The following SLC27A4 variants were observed in gnomAD, a reference collection of about 807,000 sequenced individuals.
SLC27A4 encodes long-chain fatty acid transport protein 4.
In SLC27A4, 33 loss-of-function variants were observed where a neutral mutation model predicts 64.4. The ratio of observed to expected loss-of-function variants is 0.51; its 90% confidence interval spans 0.39 to 0.68. The LOEUF is 0.68. Among genes scored for constraint, SLC27A4 ranks in the 30% least tolerant of loss-of-function variants. The probability of loss-of-function intolerance (pLI) is 0.00; values close to 1 mark genes in which losing one functional copy is unlikely to be tolerated. For missense variants in SLC27A4, 824 were observed against 883.5 expected (o/e 0.93, Z 0.85); for synonymous variants, 377 against 370.0 (o/e 1.02, Z -0.22).
At chr9:128,344,326 T>C (rs1564398581) in intron 2 of SLC27A4, among the ~76,000 whole-genome samples, 1 of 152,046 alleles carries the variant, frequency 6.6e-6, no homozygotes. Flanking sequence ...GAGACTAACC[T>C]GGGCAACATG....
intron 1 of SLC27A4, among the ~76,000 whole-genome samples, chr9:128,341,253 C>T (rs764154828): frequency 1.6e-4 from 25 of 152,200 alleles, no homozygotes; most frequent in Non-Finnish European, 3.1e-4. Flanking sequence ...CTTTTCCTGG[C>T]TTGGAGGCTC....
At chr9:128,342,225 C>G (rs752014279) in intron 1 of SLC27A4, 2 of 1,608,904 alleles carry the variant, frequency 1.2e-6, no homozygotes, top group Non-Finnish European at 1.7e-6. Flanking sequence ...GCTTTTCCTC[C>G]GCAACCATGT....
In SLC27A4 at chr9:128,355,045, C is replaced by A. The variant is rs763783240; in HGVS notation, c.1325-8C>A. ...AGGGCAGATCTGACCCTGCCTTCCC[C>A]ACCCCAGGTGAGCCGGGCCAGCTGG... On this transcript the variant is annotated splice_region_variant and splice_polypyrimidine_tract_variant and intron_variant, in intron 9 of 12. Coordinates refer to ENST00000300456, the MANE Select transcript of SLC27A4 (RefSeq NM_005094.4). The A allele has an allele frequency of 1.4e-5, 22 of 1,609,662 alleles. No individual in the cohort carries two copies. The South Asian group carries it at 2.2e-4, about 16-fold the overall frequency.
rs148065203 is a variant in SLC27A4, at chr9:128,354,377, C to G, written c.1325-676C>G. Among the ~76,000 whole-genome samples, 216 of 152,286 alleles carry G rather than the reference C, an allele frequency of 1.4e-3. 1 individual carries two copies. The highest frequency in any genetic ancestry group is 2.3e-3 in the Non-Finnish European group (157 of 68,028). Reference sequence around the variant, plus strand: ...CACTGTGCCTAAGTCCCCTTATCTACAAACTGTGCCCATGGCAGCACCCAC... The same window carrying G: ...CACTGTGCCTAAGTCCCCTTATCTAGAAACTGTGCCCATGGCAGCACCCAC... On this transcript the variant is annotated intron_variant, in intron 9 of 12. Coordinates refer to ENST00000300456, the MANE Select transcript of SLC27A4 (RefSeq NM_005094.4).
rs199976408 is a variant in SLC27A4 at position 128,360,439 on chromosome 9, C to A, written c.1880C>A (p.Pro627Gln). The A allele has an allele frequency of 6.2e-7, 1 of 1,614,112 alleles. No homozygotes were observed. Among genetic ancestry groups the A allele is most frequent in the East Asian group, 2.2e-5 (1 of 44,884 alleles). Residue 627 changes from proline (P) to glutamine (Q), a missense_variant, in exon 13 of 13, where the codon CCG (proline) becomes CAG (glutamine). Physicochemically the swap from Pro to Gln is moderately conservative, Grantham distance 76. Coordinates refer to ENST00000300456, the MANE Select transcript of SLC27A4 (RefSeq NM_005094.4). ...YLDAQKGRYV[P>Q]LDQEAYSRIQ... is the part of the protein sequence containing the mutation. ...GATGCCCAGAAGGGCCGCTACGTCC[C>A]GCTGGACCAAGAGGCCTACAGCCGC...
At chr9:128,344,723 T>C (rs1347838099) in intron 2 of SLC27A4, among the ~76,000 whole-genome samples, 1 of 151,974 alleles carries the variant, frequency 6.6e-6, no homozygotes, top group Non-Finnish European at 1.5e-5. Context: ...TCATGGTGGG[T>C]CGAGGGAGCA....
intron 12 of SLC27A4, 62 bp downstream of exon 12, chr9:128,355,858 G>A (rs1340509324): frequency 6.2e-7 from 1 of 1,603,790 alleles, no homozygotes; most frequent in Non-Finnish European, 8.5e-7. Flanking sequence ...CTTCTGGAGA[G>A]ACCCGGTTGG....
Position 128,345,962 on chromosome 9 carries a change from G to A in SLC27A4, c.556+413G>A, listed in dbSNP as rs754866485. On this transcript the variant is annotated intron_variant, in intron 3 of 12. Coordinates refer to ENST00000300456, the MANE Select transcript of SLC27A4 (RefSeq NM_005094.4). The surrounding 1 kb of genome is among the most constrained non-coding windows in gnomAD (Gnocchi z 4.1). ...GTCACCCAGGCTGGAGTGCAGTGGT[G>A]CAGTCACAGCTCACTGCAGCCTTGA... is the stretch of plus-strand genomic sequence containing the variant. 1.1e-4 allele frequency among the ~76,000 whole-genome samples: 16 copies of A among 152,004 alleles called. No individual in the cohort carries two copies. The highest frequency in any genetic ancestry group is 2.2e-4 in the Non-Finnish European group (15 of 67,994).
intron 1 of SLC27A4, chr9:128,342,180 G>A: frequency 1.4e-6 from 2 of 1,448,464 alleles, no homozygotes; most frequent in Admixed American, 1.7e-5. Context: ...CCACTGCGCA[G>A]ACCAGACTTC....
At chr9:128,346,829 G>A (rs1190067485) in intron 3 of SLC27A4, among the ~76,000 whole-genome samples, 3 of 151,290 alleles carry the variant, frequency 2.0e-5, no homozygotes, top group Non-Finnish European at 2.9e-5. Context: ...GTGAAACCCC[G>A]TCTCTAATAA....
At position 128,360,439 on chromosome 9, in the gene SLC27A4, C is replaced by T. The variant is rs199976408; in HGVS notation, c.1880C>T (p.Pro627Leu). The T allele has an allele frequency of 2.0e-5, 33 of 1,613,994 alleles. No individual in the cohort carries two copies. Among genetic ancestry groups the T allele is most frequent in the Admixed American group, 1.0e-4 (6 of 59,996 alleles). Residue 627 changes from proline (P) to leucine (L), a missense_variant, in exon 13 of 13, where the codon CCG becomes CTG. By Grantham distance (98) the Pro-to-Leu change is moderately conservative. Coordinates refer to ENST00000300456, the MANE Select transcript of SLC27A4 (RefSeq NM_005094.4). The stretch of plus-strand genomic sequence containing the variant: ...GATGCCCAGAAGGGCCGCTACGTCC[C>T]GCTGGACCAAGAGGCCTACAGCCGC... ...YLDAQKGRYV[P>L]LDQEAYSRIQ...
intron 3 of SLC27A4, 143 bp from the exon 4 acceptor site, chr9:128,348,402 A>T (rs914548932): frequency 3.9e-5 from 38 of 979,482 alleles, no homozygotes; most frequent in Non-Finnish European, 6.1e-5. Context: ...TGCCCCTGTC[A>T]ACACTGAAGG....
chr9:128,340,926 G>C, intron 1 of SLC27A4, 88 bp downstream of exon 1: 1 of 492,148 alleles, frequency 2.0e-6, no homozygotes, highest in South Asian at 2.7e-5. Flanking sequence ...CCCAGGTGGG[G>C]GGCGCGCCCT....
intron 2 of SLC27A4, among the ~76,000 whole-genome samples, chr9:128,343,919 A>G (rs1005474304): frequency 1.3e-5 from 2 of 152,228 alleles, no homozygotes; most frequent in Admixed American, 6.5e-5. Context: ...TGGCAGTGCC[A>G]TGTGGGCAGA....
At chr9:128,347,654 T>A (rs1832675885) in intron 3 of SLC27A4, among the ~76,000 whole-genome samples, 1 of 144,510 alleles carries the variant, frequency 6.9e-6, no homozygotes, top group Non-Finnish European at 1.5e-5. Flanking sequence ...TTGAACCAAG[T>A]GAGCCGAGAT....
Position 128,353,052 on chromosome 9 carries a change from C to A in SLC27A4, c.1015C>A (p.Arg339Ser), listed in dbSNP as rs376823464. ...TIVQYIGELC[R>S]YLLNQPPREA... ...TGTGCAGTACATTGGTGAACTGTGCCGCTACCTCCTGAACCAGCCACCGCG... is the reference window on the plus strand; with the variant it reads ...TGTGCAGTACATTGGTGAACTGTGCAGCTACCTCCTGAACCAGCCACCGCG... The change falls in exon 8 of 13, where the codon CGC (arginine) becomes AGC (serine). Residue 339 changes from arginine (R) to serine (S), a missense_variant. Arg to Ser is a moderately radical substitution (Grantham distance 110). Coordinates refer to ENST00000300456, the MANE Select transcript of SLC27A4 (RefSeq NM_005094.4). The surrounding 1 kb of genome is among the most constrained non-coding windows in gnomAD (Gnocchi z 4.9). 2 of 1,613,864 alleles carry A rather than the reference C, an allele frequency of 1.2e-6. No individual in the cohort carries two copies. The highest frequency in any genetic ancestry group is 2.2e-5 in the South Asian group (2 of 91,036).
rs762116764 is a variant in SLC27A4 at position 128,350,491 on chromosome 9, C to T, written c.793C>T (p.Arg265Cys). 87 of 1,614,040 alleles carry T rather than the reference C, an allele frequency of 5.4e-5. No individual in the cohort carries two copies. The highest frequency in any genetic ancestry group is 6.9e-5 in the Non-Finnish European group (81 of 1,179,954). The change falls in exon 6 of 13, where the codon CGC (arginine) becomes TGC (cysteine). Residue 265 changes from arginine to cysteine, a missense_variant. By Grantham distance (180) the Arg-to-Cys change is radical. Coordinates refer to ENST00000300456, the MANE Select transcript of SLC27A4 (RefSeq NM_005094.4). Reference protein sequence around the residue: ...AAIVVHSRYYRMAALVYYGFR... With the variant: ...AAIVVHSRYYCMAALVYYGFR... ...GGCCCTGTGCCTTCCCAGGTATTAC[C>T]GCATGGCTGCCCTGGTGTACTATGG...
chr9:128,342,890 G>T, intron 1 of SLC27A4: 1 of 585,382 alleles, frequency 1.7e-6, no homozygotes, highest in Non-Finnish European at 3.1e-6. Context: ...TATGAGACGA[G>T]AACCAGCCTC....
At chr9:128,350,635 C>A in intron 6 of SLC27A4, 60 bp downstream of exon 6, 1 of 1,288,854 alleles carries the variant, frequency 7.8e-7, no homozygotes, top group East Asian at 2.5e-5. Context: ...AACCCCACCC[C>A]CATCAGGCAG....
Sources: allele counts gnomAD v4.1 joint callset (sites outside exome capture counted in the v4.1 genomes callset), GRCh38; gene constraint gnomAD v4.1.1; non-coding constraint Gnocchi (gnomAD v3.1); transcripts MANE v1.5; gene names NCBI Gene and HGNC (gene_info 2026-07-23, HGNC 2026-07-21).